The following AKT3 variants were observed in gnomAD, a reference collection of about 807,000 sequenced individuals.
AKT3 encodes RAC-gamma serine/threonine-protein kinase.
AKT3 carries 15 observed loss-of-function variants against 65.3 expected under a neutral mutation model. That is an observed-to-expected ratio of 0.23 (90% CI 0.15 to 0.35). The LOEUF (loss-of-function observed/expected upper bound fraction) is 0.35. AKT3 is among the 10% of genes least tolerant of loss of function. AKT3 has a pLI of 1.00. For synonymous variants in AKT3, 206 were observed against 183.8 expected, an observed-to-expected ratio of 1.12 and a Z score of -0.98; for missense variants, 243 against 576.5, an observed-to-expected ratio of 0.42 and a Z score of 5.92.
chr1:243,574,023 A>C (rs574062567), intron 8 of AKT3, among the ~76,000 whole-genome samples: 1 of 152,284 alleles, frequency 6.6e-6, no homozygotes, highest in South Asian at 2.1e-4. Flanking sequence ...GCCAGGTATC[A>C]TGGTTATTAA....
intron 2 of AKT3, among the ~76,000 whole-genome samples, chr1:243,762,405 A>AT (rs1689545722): frequency 6.6e-6 from 1 of 152,090 alleles, no homozygotes. Flanking sequence ...TAATGTCAAA[A>AT]TTATCTTTTT....
At chr1:243,508,341 C>T (rs1440712616) in intron 13 of AKT3, among the ~76,000 whole-genome samples, 1 of 152,230 alleles carries the variant, frequency 6.6e-6, no homozygotes, top group East Asian at 1.9e-4. Flanking sequence ...GGCCCCATGG[C>T]CCCCAGTGCT....
chr1:243,816,681 T>C (rs1443899114), intron 2 of AKT3, among the ~76,000 whole-genome samples: 1 of 148,398 alleles, frequency 6.7e-6, no homozygotes, highest in African/African-American at 2.5e-5. Flanking sequence ...AAAGAAATAG[T>C]TTCTATCAAG....
chr1:243,826,287 T>C (rs568085728), intron 2 of AKT3, among the ~76,000 whole-genome samples: 2 of 152,338 alleles, frequency 1.3e-5, no homozygotes, highest in African/African-American at 4.8e-5. Context: ...CTGTCTCTCC[T>C]GGGTATCTGA....
At chr1:243,604,221 C>T (rs1276580399) in intron 8 of AKT3, among the ~76,000 whole-genome samples, 1 of 152,108 alleles carries the variant, frequency 6.6e-6, no homozygotes, top group African/African-American at 2.4e-5. Flanking sequence ...AAGTGAATTA[C>T]TGAAAACCTT....
At chr1:243,592,860 A>G (rs1676331309) in intron 8 of AKT3, among the ~76,000 whole-genome samples, 2 of 152,236 alleles carry the variant, frequency 1.3e-5, no homozygotes, top group South Asian at 4.1e-4. Context: ...TAAAACAAAA[A>G]TAATAATGCA....
At chr1:243,825,376 T>C (rs1694106049) in intron 2 of AKT3, among the ~76,000 whole-genome samples, 1 of 152,226 alleles carries the variant, frequency 6.6e-6, no homozygotes, top group Non-Finnish European at 1.5e-5. Context: ...CAAACCTGCA[T>C]GTCCTGCACA....
At chr1:243,839,530 CAATT>C (rs1695105999) in intron 2 of AKT3, among the ~76,000 whole-genome samples, 1 of 152,112 alleles carries the variant, frequency 6.6e-6, no homozygotes. Flanking sequence ...TGTGTTATCT[CAATT>C]AATACTTATC....
rs560807244 is a variant in AKT3 at position 243,798,634 on chromosome 1, T to C, written c.46+44491A>G. On this transcript the variant is annotated intron_variant, in intron 2 of 13. Transcript: ENST00000673466. ...TTTCCATCTCACCTGGACAATTCTA[T>C]AGCTCACTCCTAGACAGCAAACAAA... Among the ~76,000 whole-genome samples the C allele has an allele frequency of 4.6e-5, 7 of 152,234 alleles. No homozygotes were observed. In the South Asian group the frequency reaches 6.2e-4, roughly 14 times the overall value.
At chr1:243,559,818 G>A (rs986047345) in intron 10 of AKT3, among the ~76,000 whole-genome samples, 1 of 152,094 alleles carries the variant, frequency 6.6e-6, no homozygotes, top group African/African-American at 2.4e-5. Flanking sequence ...ATGTATTACA[G>A]ATCTGATACA....
chr1:243,599,127 A>T (rs1676832180), intron 8 of AKT3, among the ~76,000 whole-genome samples: 1 of 152,146 alleles, frequency 6.6e-6, no homozygotes, highest in South Asian at 2.1e-4. Flanking sequence ...AACTGTTTTA[A>T]AGAAAGGGAA....
chr1:243,782,585 G>A (rs1025943014), intron 2 of AKT3, among the ~76,000 whole-genome samples: 2 of 152,142 alleles, frequency 1.3e-5, no homozygotes, highest in Admixed American at 6.5e-5. Flanking sequence ...TTTCGACATA[G>A]GAATTTGGGG....
intron 8 of AKT3, among the ~76,000 whole-genome samples, chr1:243,595,643 AAC>A (rs1427402758): frequency 6.6e-6 from 1 of 152,112 alleles, no homozygotes; most frequent in African/African-American, 2.4e-5. Flanking sequence ...TAAAAATGAA[AAC>A]ACAGCATATA....
chr1:243,510,503 A>G (rs1391596478), intron 13 of AKT3, among the ~76,000 whole-genome samples: 1 of 152,224 alleles, frequency 6.6e-6, no homozygotes, highest in East Asian at 1.9e-4. Context: ...TAGGAGGTCA[A>G]AGAAGGTTCT....
chr1:243,593,813 A>G (rs1676409123), intron 8 of AKT3, among the ~76,000 whole-genome samples: 3 of 152,254 alleles, frequency 2.0e-5, no homozygotes, highest in African/African-American at 4.8e-5. Flanking sequence ...AAAGGTATAT[A>G]TGAAAAACTT....
intron 3 of AKT3, among the ~76,000 whole-genome samples, chr1:243,692,542 G>A (rs897950435): frequency 2.6e-5 from 4 of 151,486 alleles, no homozygotes; most frequent in Admixed American, 6.6e-5. Context: ...AGACCAGCCT[G>A]GCCAACATGG....
intron 13 of AKT3, among the ~76,000 whole-genome samples, chr1:243,489,662 A>G (rs1242576242): frequency 6.6e-6 from 1 of 152,224 alleles, no homozygotes; most frequent in Non-Finnish European, 1.5e-5. Context: ...TTACACACAG[A>G]ACATGCATTA....
intron 13 of AKT3, among the ~76,000 whole-genome samples, chr1:243,509,396 C>T (rs535445312): frequency 7.9e-5 from 12 of 152,032 alleles, no homozygotes; most frequent in East Asian, 7.8e-4. Flanking sequence ...CCGCGGGTGT[C>T]GAGTAAGGAA....
chr1:243,586,492 C>T (rs982679236), intron 8 of AKT3, among the ~76,000 whole-genome samples: 9 of 151,870 alleles, frequency 5.9e-5, no homozygotes, highest in African/African-American at 1.9e-4. Context: ...ATGGATAGAC[C>T]GGATTAAGAA....
Sources: allele counts gnomAD v4.1 joint callset (sites outside exome capture counted in the v4.1 genomes callset), GRCh38; gene constraint gnomAD v4.1.1; transcripts MANE v1.5; gene names NCBI Gene and HGNC (gene_info 2026-07-23, HGNC 2026-07-21).